Variants in ABCC4 observed in about 807,000 individuals in gnomAD.
The protein encoded by ABCC4 is ATP-binding cassette sub-family C member 4.
ABCC4 carries 102 observed loss-of-function variants against 168.5 expected under a neutral mutation model. That is an observed-to-expected ratio of 0.61 (90% CI 0.52 to 0.71). The LOEUF is 0.71. Ranked by LOEUF, ABCC4 falls within the 30% of genes least tolerant of loss-of-function variation. The probability of loss-of-function intolerance (pLI) is 0.00; values close to 1 mark genes in which losing one functional copy is unlikely to be tolerated. For synonymous variants in ABCC4, 617 were observed against 590.7 expected (o/e 1.04, Z -0.65); for missense variants, 1,402 against 1,605.8 (o/e 0.87, Z 2.17).
chr13:95,117,254 T>C (rs2035410467), intron 19 of ABCC4, among the ~76,000 whole-genome samples: 1 of 114,184 alleles, frequency 8.8e-6, no homozygotes, highest in Non-Finnish European at 1.8e-5. Flanking sequence ...CTCATGCCTG[T>C]TAAAAAAAAA....
intron 15 of ABCC4, among the ~76,000 whole-genome samples, chr13:95,165,250 C>A (rs916738903): frequency 3.3e-5 from 5 of 152,140 alleles, no homozygotes; most frequent in African/African-American, 1.2e-4. Context: ...ATGAGCTCAA[C>A]ACAGTAACTG....
chr13:95,276,260 G>T (rs1389054749), intron 1 of ABCC4, among the ~76,000 whole-genome samples: 2 of 151,610 alleles, frequency 1.3e-5, no homozygotes, highest in African/African-American at 2.4e-5. Context: ...CAAAAAAATT[G>T]TTTTATTAGC....
At chr13:95,127,052 A>C (rs957724456) in intron 19 of ABCC4, among the ~76,000 whole-genome samples, 1 of 151,820 alleles carries the variant, frequency 6.6e-6, no homozygotes, top group African/African-American at 2.4e-5. Flanking sequence ...ATTACCTCTT[A>C]GTCAAACCAT....
chr13:95,111,223 A>G (rs926307772), intron 20 of ABCC4, among the ~76,000 whole-genome samples: 3 of 152,222 alleles, frequency 2.0e-5, no homozygotes, highest in African/African-American at 7.2e-5. Flanking sequence ...TTCTATGTTC[A>G]TAAATGACTT....
intron 17 of ABCC4, 102 bp downstream of exon 17, chr13:95,163,508 T>G: frequency 8.9e-7 from 1 of 1,119,682 alleles, no homozygotes; most frequent in Non-Finnish European, 1.3e-6. Flanking sequence ...AAGTGAGGAT[T>G]AGAAGAGAAG....
At chr13:95,043,936 T>C (rs2032470133) in intron 28 of ABCC4, 149 bp from the exon 29 acceptor site, 2 of 636,002 alleles carry the variant, frequency 3.1e-6, no homozygotes, top group Non-Finnish European at 5.2e-6. Context: ...TTTAGGACAA[T>C]CTTATTCTTT....
intron 19 of ABCC4, among the ~76,000 whole-genome samples, chr13:95,131,339 G>T (rs1174812372): frequency 1.3e-5 from 2 of 152,054 alleles, no homozygotes; most frequent in African/African-American, 4.8e-5. Context: ...TCAGGGAAGA[G>T]TTGCCCAGCC....
At chr13:95,100,948 T>G (rs2034781372) in intron 20 of ABCC4, among the ~76,000 whole-genome samples, 1 of 152,160 alleles carries the variant, frequency 6.6e-6, no homozygotes, top group Non-Finnish European at 1.5e-5. Context: ...CCCTGACATC[T>G]CTACACAATG....
chr13:95,265,163 C>A (rs919612469), intron 1 of ABCC4, among the ~76,000 whole-genome samples: 1 of 152,068 alleles, frequency 6.6e-6, no homozygotes, highest in Non-Finnish European at 1.5e-5. Flanking sequence ...ACAACCACAT[C>A]CAGACTACAA....
chr13:95,091,415 A>G (rs1462462949), intron 20 of ABCC4, among the ~76,000 whole-genome samples: 2 of 152,186 alleles, frequency 1.3e-5, no homozygotes, highest in African/African-American at 4.8e-5. Context: ...GGTAACCTAT[A>G]AAGGAAAACC....
intron 1 of ABCC4, among the ~76,000 whole-genome samples, chr13:95,293,495 C>G (rs1384779208): frequency 6.6e-6 from 1 of 152,016 alleles, no homozygotes; most frequent in African/African-American, 2.4e-5. Context: ...GAGATGGAGT[C>G]TCGCTCTGTT....
intron 4 of ABCC4, among the ~76,000 whole-genome samples, chr13:95,212,513 A>G (rs1258955409): frequency 6.6e-6 from 1 of 152,230 alleles, no homozygotes; most frequent in Non-Finnish European, 1.5e-5. Context: ...TCTGAAGTCA[A>G]TTGTGCCCAA....
At chr13:95,199,388 A>G (rs2038558365) in intron 8 of ABCC4, among the ~76,000 whole-genome samples, 1 of 152,172 alleles carries the variant, frequency 6.6e-6, no homozygotes, top group African/African-American at 2.4e-5. Flanking sequence ...CCATTTTTAG[A>G]GAAATAGGAA....
chr13:95,161,410 G>A, intron 18 of ABCC4, 75 bp from the exon 19 acceptor site: 5 of 1,228,444 alleles, frequency 4.1e-6, no homozygotes, highest in Non-Finnish European at 5.4e-6. Context: ...AAGCAAGCCA[G>A]GTAGTTTATA....
intron 19 of ABCC4, among the ~76,000 whole-genome samples, chr13:95,153,268 TA>T (rs2036749507): frequency 2.6e-5 from 4 of 152,198 alleles, no homozygotes; most frequent in Admixed American, 2.6e-4. Flanking sequence ...ACACATCCCA[TA>T]GGCTAATGCC....
chr13:95,301,304 A>G lies in ABCC4; in HGVS notation c.11T>C (p.Val4Ala). Residue 4 changes from valine to alanine, a missense_variant, in exon 1 of 31, where the codon GTG (valine) becomes GCG (alanine). By Grantham distance (64) the Val-to-Ala change is moderately conservative (BLOSUM62 0). Around this residue, in one of 3 missense-constraint regions of ABCC4, gnomAD observed 317 missense variants for 345.5 expected, o/e 0.92. Transcript: ENST00000645237. Reference sequence around the variant, plus strand: ...CGGGTTGGGCTTCACCTCCTGGTACACGGGCAGCATCTTGCCGGGCGGGGC... The same window carrying G: ...CGGGTTGGGCTTCACCTCCTGGTACGCGGGCAGCATCTTGCCGGGCGGGGC... MLPVYQEVKPNPLQ... is the reference protein window; with the variant it reads MLPAYQEVKPNPLQ... 1 of 1,593,464 alleles carries G rather than the reference A, an allele frequency of 6.3e-7. No homozygotes were observed. The highest frequency in any genetic ancestry group is 8.5e-7 in the Non-Finnish European group (1 of 1,170,804).
At chr13:95,147,261 G>A (rs545156459) in intron 19 of ABCC4, among the ~76,000 whole-genome samples, 11 of 152,144 alleles carry the variant, frequency 7.2e-5, no homozygotes, top group East Asian at 3.9e-4. Flanking sequence ...AGTACTTTAC[G>A]GCATTTTAAT....
At chr13:95,103,005 G>A (rs540457649) in intron 20 of ABCC4, among the ~76,000 whole-genome samples, 58 of 151,124 alleles carry the variant, frequency 3.8e-4, no homozygotes, top group Middle Eastern at 3.4e-3. Context: ...AGTGGCTCAC[G>A]CCTGTAATCC....
At chr13:95,290,766 G>A (rs1483457363) in intron 1 of ABCC4, among the ~76,000 whole-genome samples, 4 of 144,468 alleles carry the variant, frequency 2.8e-5, no homozygotes, top group Admixed American at 1.4e-4. Context: ...GTAGCATCGC[G>A]CCATTGCACT....
Sources: allele counts gnomAD v4.1 joint callset (sites outside exome capture counted in the v4.1 genomes callset), GRCh38; gene constraint gnomAD v4.1.1; regional missense constraint gnomAD v4.1.1; transcripts MANE v1.5; gene names NCBI Gene and HGNC (gene_info 2026-07-23, HGNC 2026-07-21).